Variants in LSM14A observed in about 807,000 individuals in gnomAD.
The protein encoded by LSM14A is protein LSM14 homolog A.
Under a neutral mutation model 52.4 loss-of-function variants are expected in LSM14A, and 14 were observed. The ratio of observed to expected loss-of-function variants is 0.27; its 90% CI spans 0.18 to 0.42. LSM14A has a LOEUF of 0.42. Ranked by LOEUF, LSM14A falls within the 10% of genes least tolerant of loss-of-function variation. The probability of loss-of-function intolerance (pLI) is 1.00; values close to 1 mark genes in which losing one functional copy is unlikely to be tolerated. For missense variants in LSM14A, 417 were observed against 581.8 expected (o/e 0.72, Z 2.91); for synonymous variants, 185 against 200.3 (o/e 0.92, Z 0.64).
chr19:34,206,876 A>C (rs2071740521), intron 3 of LSM14A, among the ~76,000 whole-genome samples: 1 of 152,200 alleles, frequency 6.6e-6, no homozygotes, highest in African/African-American at 2.4e-5. Flanking sequence ...ATATGATGAC[A>C]AAGATTTATC....
At chr19:34,197,119 T>C (rs936999405) in intron 3 of LSM14A, among the ~76,000 whole-genome samples, 1 of 152,066 alleles carries the variant, frequency 6.6e-6, no homozygotes, top group African/African-American at 2.4e-5. Flanking sequence ...AAAGACAAAG[T>C]CTCACTCTGT....
chr19:34,221,411 A>AT (rs1389949560), intron 8 of LSM14A, 96 bp from the exon 9 acceptor site: 1 of 1,322,256 alleles, frequency 7.6e-7, no homozygotes, highest in Non-Finnish European at 1.0e-6. Flanking sequence ...AGCTTTAGTA[A>AT]TTACTTAGGC....
At chr19:34,210,789 C>A (rs1440836728) in intron 4 of LSM14A, among the ~76,000 whole-genome samples, 2 of 151,606 alleles carry the variant, frequency 1.3e-5, no homozygotes, top group Non-Finnish European at 2.9e-5. Flanking sequence ...CAAGGCTGGT[C>A]TGGAACTCCT....
At position 34,172,685 on chromosome 19, in the gene LSM14A, A is replaced by G. The variant is rs1462020133; in HGVS notation, c.43A>G (p.Ile15Val). 2 of 1,581,490 alleles carry G rather than the reference A, an allele frequency of 1.3e-6. No homozygotes were observed. Among genetic ancestry groups the G allele is most frequent in the Non-Finnish European group, 1.7e-6 (2 of 1,165,386 alleles). Residue 15 changes from isoleucine to valine, a missense_variant, in exon 1 of 10, where the codon ATC (isoleucine) becomes GTC (valine). This residue lies in a region of LSM14A where 60 missense variants were observed against 124.8 expected (regional missense o/e 0.48). Transcript: ENST00000544216. ...TPYIGSKISL[I>V]SKAEIRYEGI... is the part of the protein sequence containing the mutation. ...TTACATCGGCAGCAAGATCAGCCTC[A>G]TCTCCAAGGCGGAGATCCGCTACGA...
At chr19:34,193,040 T>G (rs1417511462) in intron 1 of LSM14A, among the ~76,000 whole-genome samples, 2 of 152,218 alleles carry the variant, frequency 1.3e-5, no homozygotes, top group African/African-American at 4.8e-5. Flanking sequence ...ACTCTTTAAA[T>G]GAAATATGAT....
chr19:34,190,204 C>T (rs2145598255), intron 1 of LSM14A, among the ~76,000 whole-genome samples: 1 of 152,180 alleles, frequency 6.6e-6, no homozygotes, highest in Non-Finnish European at 1.5e-5. Context: ...CCACGTGTGC[C>T]CTTCTAATCT....
intron 3 of LSM14A, among the ~76,000 whole-genome samples, chr19:34,202,137 TTTTTTTTTC>T (rs2071340415): frequency 6.6e-6 from 1 of 151,548 alleles, no homozygotes; most frequent in Admixed American, 6.6e-5. Flanking sequence ...TTTTTTTTTT[TTTTTTTTTC>T]CATTTGGTTG....
At chr19:34,192,758 T>C (rs552942322) in intron 1 of LSM14A, among the ~76,000 whole-genome samples, 33 of 151,142 alleles carry the variant, frequency 2.2e-4, no homozygotes, top group African/African-American at 7.5e-4. Flanking sequence ...ATGGATCACT[T>C]GAGGTCAGGA....
At chr19:34,221,362 G>A (rs141173208) in intron 8 of LSM14A, 145 bp from the exon 9 acceptor site, 22 of 940,162 alleles carry the variant, frequency 2.3e-5, no homozygotes, top group South Asian at 3.5e-5. Context: ...GATTACAGGC[G>A]TGAGCCATCA....
At chr19:34,206,834 T>G (rs535234801) in intron 3 of LSM14A, among the ~76,000 whole-genome samples, 4 of 152,310 alleles carry the variant, frequency 2.6e-5, no homozygotes, top group African/African-American at 9.6e-5. Flanking sequence ...GTTTATTAGA[T>G]GTAGAAGCCA....
chr19:34,187,585 C>G (rs1470922202), intron 1 of LSM14A, among the ~76,000 whole-genome samples: 1 of 152,168 alleles, frequency 6.6e-6, no homozygotes, highest in Non-Finnish European at 1.5e-5. Context: ...CCACCATGCC[C>G]AGCCTGGAAA....
At chr19:34,174,535 G>T (rs930803979) in intron 1 of LSM14A, among the ~76,000 whole-genome samples, 2 of 152,168 alleles carry the variant, frequency 1.3e-5, no homozygotes, top group Non-Finnish European at 2.9e-5. Flanking sequence ...TGTAGACTTG[G>T]CGGTTAGAAA....
intron 1 of LSM14A, among the ~76,000 whole-genome samples, chr19:34,187,422 G>T (rs1274164689): frequency 6.6e-6 from 1 of 152,010 alleles, no homozygotes; most frequent in Non-Finnish European, 1.5e-5. Context: ...GGGATTACAG[G>T]CGTGTGCCAC....
At chr19:34,180,704 A>T (rs1290315298) in intron 1 of LSM14A, among the ~76,000 whole-genome samples, 6 of 152,090 alleles carry the variant, frequency 3.9e-5, no homozygotes. Flanking sequence ...CTTCAACTCC[A>T]TGAGCAACCA....
intron 9 of LSM14A, chr19:34,221,968 C>CATG: frequency 1.8e-6 from 1 of 561,784 alleles, no homozygotes; most frequent in Non-Finnish European, 2.3e-6. Flanking sequence ...ATACTTTTAA[C>CATG]ACCCAAAGAG....
chr19:34,228,880 G>A lies in LSM14A; in HGVS notation c.*1492G>A, dbSNP rs2073466548. The stretch of plus-strand genomic sequence containing the variant: ...CTTTTGTATAGCTCTACAAGGCAGT[G>A]TTTTGTAATTTGGTTTCATTATGAA... On this transcript the variant is annotated 3_prime_UTR_variant, in exon 10 of 10. Coordinates refer to ENST00000544216, the MANE Select transcript of LSM14A (RefSeq NM_015578.4). 2 of 152,598 alleles carry A rather than the reference G, an allele frequency of 1.3e-5. No homozygotes were observed. The highest frequency in any genetic ancestry group is 4.8e-5 in the African/African-American group (2 of 41,434). The allele number at this position is 152,598 out of a possible 1,614,324, so 9.5% of individuals were successfully genotyped here.
intron 1 of LSM14A, among the ~76,000 whole-genome samples, chr19:34,192,935 C>T (rs1000212360): frequency 6.6e-6 from 1 of 151,746 alleles, no homozygotes; most frequent in Non-Finnish European, 1.5e-5. Context: ...GCCAAGATTG[C>T]GTCACTGCAC....
chr19:34,174,639 T>C (rs2068954879), intron 1 of LSM14A, among the ~76,000 whole-genome samples: 2 of 152,246 alleles, frequency 1.3e-5, no homozygotes, highest in Non-Finnish European at 1.5e-5. Flanking sequence ...CTTGGCCTTA[T>C]TTTGAATTTA....
chr19:34,206,893 C>G lies in LSM14A; in HGVS notation c.416-2036C>G, dbSNP rs1273149331. Among the ~76,000 whole-genome samples, 4 of 152,154 alleles carry G rather than the reference C, an allele frequency of 2.6e-5. No individual in the cohort carries two copies. In the South Asian group the frequency reaches 8.3e-4, roughly 32 times the overall value. ...ATGATGACAAAGATTTATCTCAGGACTGCGAAGCTGCAACATTTGAAAATC... is the reference window on the plus strand; with the variant it reads ...ATGATGACAAAGATTTATCTCAGGAGTGCGAAGCTGCAACATTTGAAAATC... On this transcript the variant is annotated intron_variant, in intron 3 of 9. Coordinates refer to ENST00000544216, the MANE Select transcript of LSM14A (RefSeq NM_015578.4).
Sources: allele counts gnomAD v4.1 joint callset (sites outside exome capture counted in the v4.1 genomes callset), GRCh38; gene constraint gnomAD v4.1.1; regional missense constraint gnomAD v4.1.1; transcripts MANE v1.5; gene names NCBI Gene and HGNC (gene_info 2026-07-23, HGNC 2026-07-21).